The following FOXP1 variants were observed in gnomAD, a reference collection of about 807,000 sequenced individuals.
FOXP1 encodes the protein forkhead box P1.
A neutral mutation model predicts 98.2 loss-of-function variants in FOXP1; 15 were observed. The ratio of observed to expected loss-of-function variants is 0.15; its 90% CI spans 0.10 to 0.24. FOXP1 has a LOEUF of 0.24. Ranked by LOEUF, FOXP1 falls within the 10% of genes least tolerant of loss-of-function variation. The pLI, the probability that FOXP1 is intolerant of heterozygous loss-of-function variation, is 1.00. For synonymous variants in FOXP1, 371 were observed against 314.5 expected, an observed-to-expected ratio of 1.18 and a Z score of -1.90; for missense variants, 633 against 848.5, an observed-to-expected ratio of 0.75 and a Z score of 3.15.
chr3:71,098,496 C>T (rs2056674982), intron 7 of FOXP1, among the ~76,000 whole-genome samples: 1 of 152,190 alleles, frequency 6.6e-6, no homozygotes, highest in Admixed American at 6.5e-5. Flanking sequence ...AGGACTGACA[C>T]AGGATTTTTT....
At chr3:71,421,773 A>T (rs73837161) in intron 3 of FOXP1, among the ~76,000 whole-genome samples, 2,354 of 152,288 alleles carry the variant, frequency 0.015, 71 homozygotes, top group African/African-American at 0.054. Context: ...ACCTTCTCTC[A>T]GAATGGCTGA....
At chr3:71,437,313 A>G (rs1444459338) in intron 3 of FOXP1, among the ~76,000 whole-genome samples, 1 of 152,202 alleles carries the variant, frequency 6.6e-6, no homozygotes, top group Non-Finnish European at 1.5e-5. Flanking sequence ...AAATGAAGGT[A>G]GGAGGATCGC....
At chr3:71,065,238 C>A (rs1039849109) in intron 7 of FOXP1, among the ~76,000 whole-genome samples, 1 of 152,006 alleles carries the variant, frequency 6.6e-6, no homozygotes, top group African/African-American at 2.4e-5. Context: ...GCGCACCGCT[C>A]CCTCTGGCCG....
At chr3:70,989,894 A>G (rs2040342321) in intron 13 of FOXP1, among the ~76,000 whole-genome samples, 1 of 152,208 alleles carries the variant, frequency 6.6e-6, no homozygotes, top group South Asian at 2.1e-4. Context: ...TAAAGGAAAC[A>G]TCTTCTCCAT....
At chr3:71,055,954 A>C (rs555485814) in intron 7 of FOXP1, among the ~76,000 whole-genome samples, 1 of 152,314 alleles carries the variant, frequency 6.6e-6, no homozygotes, top group East Asian at 1.9e-4. Flanking sequence ...ACATGAACTT[A>C]ACAGAGTTAG....
intron 3 of FOXP1, among the ~76,000 whole-genome samples, chr3:71,392,344 G>A (rs1233541585): frequency 2.0e-5 from 3 of 152,182 alleles, no homozygotes; most frequent in African/African-American, 7.2e-5. Flanking sequence ...TGACAGAGGT[G>A]TCTGAGGCTT....
intron 7 of FOXP1, chr3:71,065,537 C>T (rs998286503): frequency 6.6e-6 from 1 of 152,210 alleles, no homozygotes; most frequent in African/African-American, 2.4e-5. Context: ...CCCTTTCTTT[C>T]CCAGAGTCGG....
Position 70,955,808 on chromosome 3 carries a change from A to G in FOXP1, c.*3439T>C, listed in dbSNP as rs2031619407. 2 of 231,188 alleles carry G rather than the reference A, an allele frequency of 8.7e-6. No homozygotes were observed. The highest frequency in any genetic ancestry group is 1.7e-5 in the Non-Finnish European group (2 of 117,958). The allele number at this position is 231,188 out of a possible 1,614,324, so 14.3% of individuals were successfully genotyped here. On this transcript the variant is annotated 3_prime_UTR_variant, in exon 21 of 21. Coordinates refer to ENST00000649528, the MANE Select transcript of FOXP1 (RefSeq NM_001349338.3). ...ACAAGGGATAGGAATGTATCAAAAA[A>G]CAGATTAACACACACGCACGCGCGC...
At chr3:71,128,869 A>T (rs1376126871) in intron 6 of FOXP1, among the ~76,000 whole-genome samples, 1 of 151,804 alleles carries the variant, frequency 6.6e-6, no homozygotes, top group Non-Finnish European at 1.5e-5. Context: ...AAGCCTCCTG[A>T]GCCTTAAGGG....
rs150094056 is a variant in FOXP1 at position 71,108,806 on chromosome 3, G to A, written c.282+3730C>T. ...CTATTTTTACTCATCTGTAATTTTC[G>A]TTTTGCAGCAAAATCTTGTTAATTT... On this transcript the variant is annotated intron_variant, in intron 7 of 20. Transcript: ENST00000649528. Among the ~76,000 whole-genome samples, 775 of 152,194 alleles carry A rather than the reference G, an allele frequency of 5.1e-3. 9 individuals are homozygous for A. The highest frequency in any genetic ancestry group is 0.018 in the African/African-American group (737 of 41,534).
intron 6 of FOXP1, among the ~76,000 whole-genome samples, chr3:71,169,783 C>CAAAA (rs34872916): frequency 1.2e-5 from 1 of 82,910 alleles, no homozygotes. Context: ...AAATTACTGG[C>CAAAA]AAAAAAAAAA....
chr3:71,582,762 G>C (rs1210256831), intron 1 of FOXP1: 7 of 985,272 alleles, frequency 7.1e-6, no homozygotes, highest in Non-Finnish European at 8.4e-6. Context: ...GCGCGCGTAG[G>C]GGTGCGTGTC....
rs1398210643 is a variant in FOXP1 at position 71,581,677 on chromosome 3, C to T, written c.-426G>A. The T allele has an allele frequency of 4.1e-6, 4 of 985,824 alleles. No homozygotes were observed. The highest frequency in any genetic ancestry group is 2.3e-4 in the East Asian group (2 of 8,790). The allele number at this position is 985,824 out of a possible 1,614,324, so 61.1% of individuals were successfully genotyped here. ...TCGCTCGCTCGCCGCGCGCTCTCTT[C>T]CTCTTACAAACTTTCGGGTTCTGCA... On this transcript the variant is annotated 5_prime_UTR_variant, in exon 2 of 21. Transcript: ENST00000649528.
At chr3:71,234,569 G>C (rs538116618) in intron 5 of FOXP1, among the ~76,000 whole-genome samples, 1 of 152,364 alleles carries the variant, frequency 6.6e-6, no homozygotes, top group East Asian at 1.9e-4. Flanking sequence ...ATTTTGTTCA[G>C]AAAATGGGTG....
intron 11 of FOXP1, among the ~76,000 whole-genome samples, chr3:71,025,716 AC>A (rs764108776): frequency 1.3e-5 from 2 of 152,228 alleles, no homozygotes; most frequent in Non-Finnish European, 2.9e-5. Flanking sequence ...CACCAATTTT[AC>A]ATCAGCACAG....
chr3:71,548,031 G>C (rs1369477402), intron 2 of FOXP1, among the ~76,000 whole-genome samples: 4 of 152,242 alleles, frequency 2.6e-5, no homozygotes, highest in African/African-American at 7.2e-5. Context: ...AACAGAGAGA[G>C]AGGATGAGGC....
intron 2 of FOXP1, among the ~76,000 whole-genome samples, chr3:71,523,797 G>A (rs975419106): frequency 6.6e-6 from 1 of 152,112 alleles, no homozygotes; most frequent in South Asian, 2.1e-4. Context: ...AATGAATTCA[G>A]ATGTGACTGA....
chr3:71,240,701 C>T (rs1404549332), intron 5 of FOXP1, among the ~76,000 whole-genome samples: 1 of 151,630 alleles, frequency 6.6e-6, no homozygotes, highest in African/African-American at 2.4e-5. Flanking sequence ...GCCACCATGC[C>T]CGGCTAATTT....
At chr3:71,414,768 G>T (rs1019858589) in intron 3 of FOXP1, among the ~76,000 whole-genome samples, 2 of 152,202 alleles carry the variant, frequency 1.3e-5, no homozygotes, top group African/African-American at 4.8e-5. Flanking sequence ...CATGGGTGAT[G>T]ACTAAAAAGA....
Sources: gnomAD v4.1 joint callset for allele counts (sites outside exome capture counted in the v4.1 genomes callset) on GRCh38, gnomAD v4.1.1 for gene constraint, MANE v1.5 for transcripts, NCBI Gene and HGNC (gene_info 2026-07-23, HGNC 2026-07-21) for gene names.